Variants in UBE2E2 observed in about 807,000 individuals in gnomAD.
UBE2E2 encodes the protein ubiquitin-conjugating enzyme E2 E2.
A neutral mutation model predicts 24.7 loss-of-function variants in UBE2E2; 6 were observed. The ratio of observed to expected loss-of-function variants is 0.24; its 90% CI spans 0.13 to 0.48. The LOEUF (loss-of-function observed/expected upper bound fraction) is 0.48. Among genes scored for constraint, UBE2E2 ranks in the 20% least tolerant of loss-of-function variants. UBE2E2 has a pLI of 0.99. For missense variants in UBE2E2, 169 were observed against 245.0 expected (o/e 0.69, Z 2.07); for synonymous variants, 104 against 83.6 (o/e 1.24, Z -1.33).
At chr3:23,468,318 T>G (rs1168220136) in intron 3 of UBE2E2, among the ~76,000 whole-genome samples, 2 of 152,246 alleles carry the variant, frequency 1.3e-5, no homozygotes, top group East Asian at 3.8e-4. Flanking sequence ...GATTCAAATC[T>G]TATTTCTCCA....
At chr3:23,550,676 A>G (rs902301363) in intron 5 of UBE2E2, among the ~76,000 whole-genome samples, 8 of 152,186 alleles carry the variant, frequency 5.3e-5, no homozygotes, top group African/African-American at 1.7e-4. Context: ...AAAACTAGAC[A>G]TTCCCTGAGA....
rs58369100 is a variant in UBE2E2 at position 23,522,148 on chromosome 3, T to TAAGGCA, written c.361-10406_361-10405insAAGGCA. On this transcript the variant is annotated intron_variant, in intron 4 of 5. Transcript: ENST00000396703. ...AGCTAATTTTTTTTTTTTTTTTTTT[T>TAAGGCA]GAGGCAGAGTCTCGCTCTGTTGCCC... 3.3e-3 allele frequency among the ~76,000 whole-genome samples: 385 copies of TAAGGCA among 115,198 alleles called. 10 individuals are homozygous for TAAGGCA. The highest frequency in any genetic ancestry group is 0.014 in the African/African-American group (342 of 24,286). The allele number at this position is 115,198 out of a possible 152,430, so 75.6% of individuals were successfully genotyped here. A position where few individuals can be genotyped will look rare whatever the true frequency, so the allele number is the denominator to read the frequency against.
At chr3:23,582,194 C>G (rs1370232908) in intron 5 of UBE2E2, among the ~76,000 whole-genome samples, 1 of 152,150 alleles carries the variant, frequency 6.6e-6, no homozygotes, top group Non-Finnish European at 1.5e-5. Context: ...AGATGATGGC[C>G]TCCAGCTCTA....
chr3:23,208,670 G>T (rs774427212), intron 1 of UBE2E2, 22 bp from the exon 2 acceptor site: 1 of 1,576,384 alleles, frequency 6.3e-7, no homozygotes, highest in Non-Finnish European at 8.6e-7. Flanking sequence ...CTAAATAAAT[G>T]ATTTTTGATT....
intron 3 of UBE2E2, among the ~76,000 whole-genome samples, chr3:23,365,793 C>G (rs1477897345): frequency 6.6e-6 from 1 of 152,098 alleles, no homozygotes; most frequent in Non-Finnish European, 1.5e-5. Context: ...AAAAAAGAGC[C>G]TGAATAGCCA....
At chr3:23,445,275 A>G (rs1158219419) in intron 3 of UBE2E2, among the ~76,000 whole-genome samples, 1 of 152,184 alleles carries the variant, frequency 6.6e-6, no homozygotes, top group Non-Finnish European at 1.5e-5. Context: ...ACATGTTGAC[A>G]TGCTCCATTT....
At chr3:23,380,090 A>T (rs1158839564) in intron 3 of UBE2E2, among the ~76,000 whole-genome samples, 2 of 137,160 alleles carry the variant, frequency 1.5e-5, no homozygotes, top group African/African-American at 5.1e-5. Context: ...TTACTGTAAA[A>T]AAAAAAAAAA....
In UBE2E2 at chr3:23,504,912, C is replaced by CTTTTTT. The variant is rs150970405; in HGVS notation, c.360+5181_360+5186dup. Among the ~76,000 whole-genome samples the CTTTTTT allele has an allele frequency of 3.9e-4, 37 of 95,070 alleles. 6 individuals carry two copies. The highest frequency in any genetic ancestry group is 1.5e-3 in the African/African-American group (33 of 21,560). The allele number at this position is 95,070 out of a possible 152,430, so 62.4% of individuals were successfully genotyped here. A position where few individuals can be genotyped will look rare whatever the true frequency, so the allele number is the denominator to read the frequency against. Reference sequence around the variant, plus strand: ...AATGTTTCTGTTTCAGACATTCTTTCTTTTTTTTTTTTTTGAGACAGGGTC... The same window carrying CTTTTTT: ...AATGTTTCTGTTTCAGACATTCTTTCTTTTTTTTTTTTTTTTTTTTGAGACAGGGTC... On this transcript the variant is annotated intron_variant, in intron 4 of 5. Coordinates refer to ENST00000396703, the MANE Select transcript of UBE2E2 (RefSeq NM_152653.4).
chr3:23,546,751 G>A (rs1293180929), intron 5 of UBE2E2, among the ~76,000 whole-genome samples: 2 of 151,954 alleles, frequency 1.3e-5, no homozygotes, highest in African/African-American at 4.8e-5. Flanking sequence ...GGGATTACAG[G>A]CATGAGCCAC....
intron 3 of UBE2E2, among the ~76,000 whole-genome samples, chr3:23,477,493 G>A (rs888057997): frequency 2.0e-5 from 3 of 151,982 alleles, no homozygotes; most frequent in South Asian, 2.1e-4. Flanking sequence ...TCTTCCCTTC[G>A]CTAGGATATA....
chr3:23,402,648 A>G (rs2125372921), intron 3 of UBE2E2, among the ~76,000 whole-genome samples: 1 of 152,312 alleles, frequency 6.6e-6, no homozygotes, highest in African/African-American at 2.4e-5. Context: ...TTCATCTGAC[A>G]TTTGTCTCTA....
At chr3:23,343,348 G>A (rs1273742619) in intron 3 of UBE2E2, among the ~76,000 whole-genome samples, 1 of 152,104 alleles carries the variant, frequency 6.6e-6, no homozygotes, top group Non-Finnish European at 1.5e-5. Context: ...GGCTGAGGCA[G>A]GTGGATCACC....
At position 23,521,365 on chromosome 3, in the gene UBE2E2, C is replaced by G. The variant is rs538904552; in HGVS notation, c.361-11189C>G. Among the ~76,000 whole-genome samples the G allele has an allele frequency of 5.3e-5, 8 of 152,314 alleles. No individual in the cohort carries two copies. In the South Asian group the frequency reaches 1.7e-3, roughly 32 times the overall value. On this transcript the variant is annotated intron_variant, in intron 4 of 5. Coordinates refer to ENST00000396703, the MANE Select transcript of UBE2E2 (RefSeq NM_152653.4). Reference sequence around the variant, plus strand: ...ATTTATTACATGCTTTACATGGAATCCATTAACTATCTCAGCTGTTGTGCT... The same window carrying G: ...ATTTATTACATGCTTTACATGGAATGCATTAACTATCTCAGCTGTTGTGCT...
rs1359661277 is a variant in UBE2E2, at chr3:23,267,487, A to C, written c.227+50175A>C. Among the ~76,000 whole-genome samples the C allele has an allele frequency of 1.4e-4, 22 of 151,926 alleles. 1 individual carries two copies. Among genetic ancestry groups the C allele is most frequent in the South Asian group, 4.2e-4 (2 of 4,818 alleles). ...GGATAAATTCCTCGACACATACACC[A>C]TCCCAAGACTAAACCAGGAAGAAGT... On this transcript the variant is annotated intron_variant, in intron 3 of 5. Transcript: ENST00000396703.
chr3:23,434,267 GC>G (rs1169128867), intron 3 of UBE2E2, among the ~76,000 whole-genome samples: 5 of 151,718 alleles, frequency 3.3e-5, no homozygotes, highest in Admixed American at 2.0e-4. Flanking sequence ...TAGCCAAAGA[GC>G]AAAAAAAAGA....
intron 4 of UBE2E2, among the ~76,000 whole-genome samples, chr3:23,507,074 AT>A (rs1694476349): frequency 6.6e-6 from 1 of 152,120 alleles, no homozygotes; most frequent in African/African-American, 2.4e-5. Context: ...GCCAGCCATC[AT>A]TTTTTACTCA....
intron 2 of UBE2E2, among the ~76,000 whole-genome samples, chr3:23,213,890 T>C (rs1696395946): frequency 6.6e-6 from 1 of 152,136 alleles, no homozygotes; most frequent in Admixed American, 6.5e-5. Flanking sequence ...ATTGATACTT[T>C]TCATTTTTCC....
chr3:23,503,920 T>C (rs1694367405), intron 4 of UBE2E2, among the ~76,000 whole-genome samples: 3 of 152,168 alleles, frequency 2.0e-5, no homozygotes, highest in Admixed American at 2.0e-4. Flanking sequence ...ATTTTAAAAG[T>C]TTAATATGTA....
intron 3 of UBE2E2, among the ~76,000 whole-genome samples, chr3:23,288,393 C>T (rs1051215392): frequency 3.9e-5 from 6 of 152,054 alleles, no homozygotes; most frequent in South Asian, 2.1e-4. Context: ...ATTCTGCAGC[C>T]GTGGGACAAA....
Sources: gnomAD v4.1 joint callset for allele counts (sites outside exome capture counted in the v4.1 genomes callset) on GRCh38, gnomAD v4.1.1 for gene constraint, MANE v1.5 for transcripts, NCBI Gene and HGNC (gene_info 2026-07-23, HGNC 2026-07-21) for gene names.